Variants in TBX1 observed in about 807,000 individuals in gnomAD.
TBX1 encodes T-box transcription factor 1.
TBX1 carries 16 observed loss-of-function variants against 40.8 expected under a neutral mutation model. The ratio of observed to expected loss-of-function variants is 0.39; its 90% CI spans 0.27 to 0.60. The LOEUF is 0.60. Ranked by LOEUF, TBX1 falls within the 20% of genes least tolerant of loss-of-function variation. The probability of loss-of-function intolerance (pLI) is 0.51; values close to 1 mark genes in which losing one functional copy is unlikely to be tolerated. For synonymous variants in TBX1, 403 were observed against 336.8 expected, an observed-to-expected ratio of 1.20 and a Z score of -2.15; for missense variants, 755 against 728.5, an observed-to-expected ratio of 1.04 and a Z score of -0.42.
downstream of TBX1, among the ~76,000 whole-genome samples, chr22:19,767,858 G>T (rs868640871): frequency 6.6e-6 from 1 of 152,226 alleles, no homozygotes; most frequent in African/African-American, 2.4e-5. Flanking sequence ...TGTTCTGCTA[G>T]CATTTCCCCT....
chr22:19,768,587 G>A (rs951224694), downstream of TBX1, among the ~76,000 whole-genome samples: 1 of 152,190 alleles, frequency 6.6e-6, no homozygotes, highest in African/African-American at 2.4e-5. Flanking sequence ...CCCCACCTGC[G>A]TGAACTTGGG....
At chr22:19,770,302 C>T (rs1447669308), downstream of TBX1, among the ~76,000 whole-genome samples, 1 of 152,208 alleles carries the variant, frequency 6.6e-6, no homozygotes, top group Non-Finnish European at 1.5e-5. Flanking sequence ...ACCATCCACA[C>T]CCCCTTCACA....
intron 8 of TBX1, among the ~76,000 whole-genome samples, chr22:19,775,090 T>G (rs1239428251): frequency 6.6e-6 from 1 of 150,982 alleles, no homozygotes; most frequent in Non-Finnish European, 1.5e-5. Context: ...AATTTGTGGG[T>G]TTTTTGGTTT....
chr22:19,782,895 C>T, downstream of TBX1: 1 of 1,614,076 alleles, frequency 6.2e-7, no homozygotes, highest in Non-Finnish European at 8.5e-7. Context: ...GATCTGTTTC[C>T]CCTCTCCTGG....
downstream of TBX1, among the ~76,000 whole-genome samples, chr22:19,769,162 T>C (rs1936946668): frequency 6.6e-6 from 1 of 152,138 alleles, no homozygotes; most frequent in South Asian, 2.1e-4. Flanking sequence ...GGTTTCACCA[T>C]GTTGGCCAGG....
At chr22:19,757,724 C>T (rs8141387), upstream of TBX1, among the ~76,000 whole-genome samples, 228 of 152,342 alleles carry the variant, frequency 1.5e-3, 2 homozygotes, top group African/African-American at 5.2e-3. Flanking sequence ...GGGACAATGG[C>T]TGGTCCTGCT....
At chr22:19,783,451 G>A (rs1013060398), downstream of TBX1, 7 of 285,976 alleles carry the variant, frequency 2.4e-5, no homozygotes, top group Middle Eastern at 1.3e-3. Flanking sequence ...TCGGGAGGCT[G>A]AGGCAGGAGG....
rs759363148 is a variant in TBX1, at chr22:19,764,187, C to T, written c.572C>T (p.Ala191Val). 6 of 1,612,642 alleles carry T rather than the reference C, an allele frequency of 3.7e-6. No homozygotes were observed. The highest frequency in any genetic ancestry group is 2.2e-5 in the South Asian group (2 of 91,060). Residue 191 changes from alanine to valine, a missense_variant, in exon 3 of 7, where the codon GCG becomes GTG. This residue lies in a region of TBX1 where 144 missense variants were observed against 238.0 expected (regional missense o/e 0.61). Coordinates refer to ENST00000649276, the MANE Select transcript of TBX1 (RefSeq NM_001379200.1). ...TTCCACAGCTCCTCCTGGCTGGTGGCGGGGAAGGCCGACCCTGCCACGCCA... is the reference window on the plus strand; with the variant it reads ...TTCCACAGCTCCTCCTGGCTGGTGGTGGGGAAGGCCGACCCTGCCACGCCA... Reference protein sequence around the residue: ...YAFHSSSWLVAGKADPATPGR... With the variant: ...YAFHSSSWLVVGKADPATPGR...
At chr22:19,770,439 T>C (rs1936970787), downstream of TBX1, among the ~76,000 whole-genome samples, 1 of 152,168 alleles carries the variant, frequency 6.6e-6, no homozygotes, top group Admixed American at 6.5e-5. Flanking sequence ...CATGTGCCCC[T>C]TTGTCGAAGG....
chr22:19,763,845 T>C, intron 2 of TBX1: 1 of 506,152 alleles, frequency 2.0e-6, no homozygotes, highest in Non-Finnish European at 3.5e-6. Context: ...AAGTGTGGGC[T>C]CCCACCGCAG....
At chr22:19,766,334 C>T (rs1339172278) in intron 6 of TBX1, 55 bp from the exon 7 acceptor site, 4 of 1,236,990 alleles carry the variant, frequency 3.2e-6, no homozygotes, top group Non-Finnish European at 2.0e-6. Flanking sequence ...CATGGGGCGT[C>T]GGAGCTCCTC....
chr22:19,777,450 C>T (rs899654167), intron 8 of TBX1, among the ~76,000 whole-genome samples: 1 of 152,142 alleles, frequency 6.6e-6, no homozygotes, highest in African/African-American at 2.4e-5. Flanking sequence ...TTTCTTAATC[C>T]AGTCTATCGT....
At chr22:19,780,828 G>A (rs1338044945), downstream of TBX1, among the ~76,000 whole-genome samples, 1 of 137,646 alleles carries the variant, frequency 7.3e-6, no homozygotes, top group Non-Finnish European at 1.5e-5. Flanking sequence ...CGTCGCCCAG[G>A]CTGGAGTGCA....
chr22:19,760,157 G>A (rs1936594102), upstream of TBX1, among the ~76,000 whole-genome samples: 1 of 147,042 alleles, frequency 6.8e-6, no homozygotes, highest in African/African-American at 2.5e-5. Context: ...GAAAACGAAG[G>A]GAAAATTTAA....
Position 19,779,243 on chromosome 22 carries a change from G to T in TBX1, c.1033G>T (p.Glu345Ter). The T allele has an allele frequency of 6.2e-7, 1 of 1,614,252 alleles. No individual in the cohort carries two copies. ...AGGTGGACATGTCCTGAAGGACAAG[G>T]AAGTGAAAGCTGAGACGTCTAGGAA... Residue 345 changes from glutamate (E) to a stop codon, truncating the protein, a stop_gained, in exon 9 of 9, where the codon GAA becomes TAA. Transcript: ENST00000329705. LOFTEE classifies it low-confidence loss of function (END_TRUNC).
chr22:19,764,850 A>T, intron 3 of TBX1, 108 bp from the exon 4 acceptor site: 3 of 1,383,390 alleles, frequency 2.2e-6, no homozygotes, highest in Middle Eastern at 2.2e-4. Flanking sequence ...TGCCCAACTC[A>T]TCCAGGAAAC....
intron 8 of TBX1, among the ~76,000 whole-genome samples, chr22:19,777,287 A>T (rs1284925598): frequency 6.8e-6 from 1 of 146,332 alleles, no homozygotes; most frequent in Non-Finnish European, 1.5e-5. Context: ...TTCAATTCCC[A>T]CCTATGAGTG....
chr22:19,761,332 G>T lies in TBX1; in HGVS notation c.437+52G>T. 2.7e-6 allele frequency: 4 copies of T among 1,502,032 alleles called. No individual in the cohort carries two copies. In the African/African-American group the frequency reaches 4.4e-5, roughly 16 times the overall value. 93.0% of individuals were successfully genotyped at this position (1,502,032 alleles called of 1,614,324 possible). A position where few individuals can be genotyped will look rare whatever the true frequency, so the allele number is the denominator to read the frequency against. On this transcript the variant is annotated intron_variant, in intron 1 of 6. Transcript: ENST00000649276. The stretch of plus-strand genomic sequence containing the variant: ...ACCCTCCCCACGTGCTGCCGCCAGG[G>T]CTGCGGGCCTCCGCCTGATCCGCGC...
Position 19,766,453 on chromosome 22 carries a change from G to T in TBX1, c.1101G>T (p.Pro367=). The stretch of plus-strand genomic sequence containing the variant: ...GCGGGCCAGCAGTGCTCGGGGACCC[G>T]GCGCATCCTCCGCAGCTGCTGGCCC... ...DAGGPAVLGD[P]AHPPQLLARV... is the part of the protein sequence containing the mutation. Residue 367 remains proline, a synonymous_variant, in exon 7 of 7, where the codon CCG becomes CCT. Transcript: ENST00000649276. The T allele has an allele frequency of 7.5e-7, 1 of 1,334,484 alleles. No individual in the cohort carries two copies. The highest frequency in any genetic ancestry group is 1.8e-5 in the South Asian group (1 of 56,672). The allele number at this position is 1,334,484 out of a possible 1,614,324, so 82.7% of individuals were successfully genotyped here. A position where few individuals can be genotyped will look rare whatever the true frequency, so the allele number is the denominator to read the frequency against.
Sources: allele counts gnomAD v4.1 joint callset (sites outside exome capture counted in the v4.1 genomes callset), GRCh38; gene constraint gnomAD v4.1.1; regional missense constraint gnomAD v4.1.1; transcripts MANE v1.5; gene names NCBI Gene and HGNC (gene_info 2026-07-23, HGNC 2026-07-21).